PLCH2: variants seen among roughly 807,000 people sequenced by gnomAD.
The protein encoded by PLCH2 is phospholipase C eta 2.
In PLCH2, 98 loss-of-function variants were observed where a neutral mutation model predicts 134.7. The ratio of observed to expected loss-of-function variants is 0.73; its 90% CI spans 0.62 to 0.86. The LOEUF is 0.86. PLCH2 is among the 40% of genes least tolerant of loss of function. PLCH2 has a pLI of 0.00. For missense variants in PLCH2, 1,994 were observed against 1,986.6 expected, an observed-to-expected ratio of 1.00 and a Z score of -0.07; for synonymous variants, 974 against 827.5, an observed-to-expected ratio of 1.18 and a Z score of -3.04.
In PLCH2 at chr1:2,503,436, G is replaced by C. The variant is rs984360637; in HGVS notation, c.2960-486G>C. Reference sequence around the variant, plus strand: ...GGACGCCTGGAGCCTGCTGAGTGCTGCGTGGAGTAGATTCCCTGGGCCCCA... The same window carrying C: ...GGACGCCTGGAGCCTGCTGAGTGCTCCGTGGAGTAGATTCCCTGGGCCCCA... On this transcript the variant is annotated intron_variant, in intron 21 of 21. Transcript: ENST00000378486. 1.8e-5 allele frequency: 11 copies of C among 600,592 alleles called. No individual in the cohort carries two copies. In the African/African-American group the frequency reaches 2.0e-4, roughly 11 times the overall value. The allele number at this position is 600,592 out of a possible 1,614,324, so 37.2% of individuals were successfully genotyped here.
At chr1:2,446,595 T>C (rs542484501) in intron 2 of PLCH2, among the ~76,000 whole-genome samples, 45 of 152,340 alleles carry the variant, frequency 3.0e-4, no homozygotes, top group Middle Eastern at 6.8e-3. Context: ...GAAGGGCTCC[T>C]GGAGATGTCT....
chr1:2,502,794 C>A (rs1296077724), intron 21 of PLCH2: 1 of 716,834 alleles, frequency 1.4e-6, no homozygotes, highest in South Asian at 1.5e-5. Flanking sequence ...CCCGAAAGGT[C>A]CCCCCGCTGG....
At chr1:2,416,255 G>A in the PLCH2 span, among the ~76,000 whole-genome samples, 1 of 152,222 alleles carries the variant, frequency 6.6e-6, no homozygotes, top group Middle Eastern at 3.4e-3. Flanking sequence ...CAAAGTGGGC[G>A]CTGGTGCTGC....
chr1:2,436,023 C>CTCCCTCCTCCCTTCT (rs752437554), intron 2 of PLCH2, among the ~76,000 whole-genome samples: 2,457 of 103,672 alleles, frequency 0.024, 43 homozygotes, highest in African/African-American at 0.028. Flanking sequence ...CTCCTCTCTC[C>CTCCCTCCTCCCTTCT]TCCCTCCTCC....
chr1:2,443,572 G>T (rs1343115705), intron 2 of PLCH2, among the ~76,000 whole-genome samples: 2 of 151,772 alleles, frequency 1.3e-5, no homozygotes, highest in East Asian at 1.9e-4. Context: ...CTTTGGCTGC[G>T]GCGGGCGCAG....
At chr1:2,475,843 C>T (rs549166723), upstream of PLCH2, among the ~76,000 whole-genome samples, 9 of 152,290 alleles carry the variant, frequency 5.9e-5, no homozygotes, top group African/African-American at 1.7e-4. Flanking sequence ...CTCGGCTCCC[C>T]TCTCCAGCCA....
chr1:2,452,418 C>G (rs1443803926), intron 2 of PLCH2, among the ~76,000 whole-genome samples: 1 of 152,116 alleles, frequency 6.6e-6, no homozygotes, highest in Non-Finnish European at 1.5e-5. Flanking sequence ...GGGATGGGAG[C>G]CCTTGATCCT....
chr1:2,479,607 C>T (rs1266204307), intron 2 of PLCH2, 127 bp from the exon 3 acceptor site: 7 of 925,834 alleles, frequency 7.6e-6, no homozygotes, highest in Non-Finnish European at 1.1e-5. Context: ...GACCCTGAGC[C>T]CTGCCGAGGG....
chr1:2,485,016 C>G (rs1642215226), intron 5 of PLCH2, among the ~76,000 whole-genome samples: 1 of 152,134 alleles, frequency 6.6e-6, no homozygotes. Context: ...GGTTCTGTGG[C>G]CCAGCCTTTG....
intron 1 of PLCH2, among the ~76,000 whole-genome samples, chr1:2,469,963 G>A (rs1415513582): frequency 2.6e-5 from 4 of 152,208 alleles, no homozygotes. Flanking sequence ...AGCCACTCTG[G>A]TGGGACTGTG....
chr1:2,423,922 C>T (rs1248379751), upstream of PLCH2, among the ~76,000 whole-genome samples: 1 of 152,138 alleles, frequency 6.6e-6, no homozygotes, highest in African/African-American at 2.4e-5. Flanking sequence ...AGTTCATTTT[C>T]CCTTCTCCCC....
intron 2 of PLCH2, among the ~76,000 whole-genome samples, chr1:2,436,457 CTCCACCTTTCCTCCTTCCTCCCTCCT>C (rs1639400054): frequency 1.7e-5 from 1 of 58,930 alleles, no homozygotes; most frequent in African/African-American, 1.2e-4. Flanking sequence ...CCCTTCCTCC[CTCCACCTTTCCTCCTTCCTCCCTCCT>C]CCCCTCCTCC....
chr1:2,492,510 C>T (rs1185750104), intron 11 of PLCH2: 1 of 152,300 alleles, frequency 6.6e-6, no homozygotes, highest in Non-Finnish European at 1.5e-5. Context: ...TCAGGGAAGG[C>T]TTCCTGCAGG....
chr1:2,494,591 G>A (rs897838275), intron 11 of PLCH2: 2 of 572,780 alleles, frequency 3.5e-6, no homozygotes, highest in Non-Finnish European at 6.3e-6. Flanking sequence ...TGAGGCAGGT[G>A]TGAGCGAATG....
In PLCH2 at chr1:2,502,349, G is replaced by C. The variant is rs764171336; in HGVS notation, c.2899G>C (p.Gly967Arg). ...KGVADDVVPP[G>R]PGPAPEAPAQ... is the part of the protein sequence containing the mutation. ...GGTGGCAGACGATGTGGTGCCCCCC[G>C]GGCCCGGACCTGCTCCGGAAGCCCC... The change falls in exon 21 of 22, where the codon GGG (glycine) becomes CGG (arginine). Residue 967 changes from glycine to arginine, a missense_variant. Gly to Arg is a moderately radical substitution (Grantham distance 125). Transcript: ENST00000378486. 5.9e-6 allele frequency: 9 copies of C among 1,538,198 alleles called. No homozygotes were observed. Among genetic ancestry groups the C allele is most frequent in the Non-Finnish European group, 7.9e-6 (9 of 1,143,478 alleles).
At chr1:2,458,087 G>T (rs987312230) in intron 2 of PLCH2, among the ~76,000 whole-genome samples, 25 of 152,248 alleles carry the variant, frequency 1.6e-4, no homozygotes, top group Admixed American at 7.8e-4. Context: ...GTGAGTGGGG[G>T]TGGGCCATGC....
intron 4 of PLCH2, among the ~76,000 whole-genome samples, chr1:2,483,433 T>C (rs1352007387): frequency 2.6e-5 from 4 of 152,282 alleles, no homozygotes; most frequent in African/African-American, 7.2e-5. Flanking sequence ...TGCCCCTGCC[T>C]GAAATGTTGA....
intron 8 of PLCH2, 80 bp from the exon 9 acceptor site, chr1:2,489,127 C>T: frequency 5.5e-6 from 7 of 1,278,410 alleles, no homozygotes; most frequent in Admixed American, 1.9e-5. Context: ...GTTTAGATGA[C>T]CTGGGATCTT....
Position 2,505,000 on chromosome 1 carries a change from G to A in PLCH2, c.4038G>A (p.Val1346=), listed in dbSNP as rs577011613. ...CCTCCTCCCGCAGCCACAGCCGCGT[G>A]CGTGCCATTGCCAGCCGGGCCCGCC... ...RRSSSRSHSR[V]RAIASRARQA... is the part of the protein sequence containing the mutation. The change falls in exon 22 of 22, where the codon GTG becomes GTA. Residue 1346 remains valine (V), a synonymous_variant. Coordinates refer to ENST00000378486, the MANE Select transcript of PLCH2 (RefSeq NM_014638.4). 2 of 1,545,918 alleles carry A rather than the reference G, an allele frequency of 1.3e-6. No individual in the cohort carries two copies. Among genetic ancestry groups the A allele is most frequent in the Admixed American group, 3.9e-5 (2 of 51,826 alleles).
Sources: allele counts gnomAD v4.1 joint callset (sites outside exome capture counted in the v4.1 genomes callset), GRCh38; gene constraint gnomAD v4.1.1; transcripts MANE v1.5; gene names NCBI Gene and HGNC (gene_info 2026-07-23, HGNC 2026-07-21).